The following KIAA0319L variants were observed in gnomAD, a reference collection of about 807,000 sequenced individuals.
The protein encoded by KIAA0319L is dyslexia-associated protein KIAA0319-like protein.
A neutral mutation model predicts 120.1 loss-of-function variants in KIAA0319L; 55 were observed. The observed-to-expected ratio is 0.46, with a 90% CI of 0.37 to 0.57. KIAA0319L has a LOEUF of 0.57. Among genes scored for constraint, KIAA0319L ranks in the 20% least tolerant of loss-of-function variants. KIAA0319L has a pLI of 0.00. For missense variants in KIAA0319L, 1,049 were observed against 1,255.3 expected, an observed-to-expected ratio of 0.84 and a Z score of 2.48; for synonymous variants, 398 against 471.9, an observed-to-expected ratio of 0.84 and a Z score of 2.03.
chr1:35,463,902 T>C (rs1424837082), intron 7 of KIAA0319L, among the ~76,000 whole-genome samples: 1 of 152,142 alleles, frequency 6.6e-6, no homozygotes, highest in Non-Finnish European at 1.5e-5. Flanking sequence ...CTGATGGTGT[T>C]AAAAACAGGA....
Position 35,449,854 on chromosome 1 carries a change from T to G in KIAA0319L, c.2353+13A>C. Reference sequence around the variant, plus strand: ...CAGCAATTCTACTCAGCCTCATCACTAAATGAACTCACCAGGTTTCACCTC... The same window carrying G: ...CAGCAATTCTACTCAGCCTCATCACGAAATGAACTCACCAGGTTTCACCTC... On this transcript the variant is annotated intron_variant, in intron 15 of 20. Transcript: ENST00000325722. 1 of 1,613,836 alleles carries G rather than the reference T, an allele frequency of 6.2e-7. No individual in the cohort carries two copies. The highest frequency in any genetic ancestry group is 2.2e-5 in the East Asian group (1 of 44,884).
At chr1:35,495,049 C>T (rs143365115) in intron 3 of KIAA0319L, among the ~76,000 whole-genome samples, 125 of 152,136 alleles carry the variant, frequency 8.2e-4, no homozygotes, top group African/African-American at 2.9e-3. Flanking sequence ...TACAAAATAA[C>T]CCTAGACCTA....
At chr1:35,548,779 C>T (rs749904052) in intron 2 of KIAA0319L, among the ~76,000 whole-genome samples, 1 of 152,034 alleles carries the variant, frequency 6.6e-6, no homozygotes, top group African/African-American at 2.4e-5. Flanking sequence ...TCTGGAGCTG[C>T]CATACCAGCT....
chr1:35,472,875 G>A (rs1453891150), intron 5 of KIAA0319L, among the ~76,000 whole-genome samples: 2 of 146,752 alleles, frequency 1.4e-5, no homozygotes, highest in African/African-American at 5.1e-5. Flanking sequence ...TGCAACCTCC[G>A]CCTCCTGGGT....
At chr1:35,535,643 T>C (rs934454697) in intron 2 of KIAA0319L, among the ~76,000 whole-genome samples, 22 of 152,226 alleles carry the variant, frequency 1.4e-4, no homozygotes, top group African/African-American at 4.3e-4. Flanking sequence ...GCATATAGTA[T>C]TAAAAAGCTC....
intron 2 of KIAA0319L, among the ~76,000 whole-genome samples, chr1:35,527,093 G>T (rs1415071584): frequency 6.6e-6 from 1 of 152,078 alleles, no homozygotes; most frequent in East Asian, 1.9e-4. Flanking sequence ...AGCATTTGTG[G>T]AAACAAAGGT....
At chr1:35,535,586 A>G (rs1028418319) in intron 2 of KIAA0319L, among the ~76,000 whole-genome samples, 2 of 152,212 alleles carry the variant, frequency 1.3e-5, no homozygotes, top group African/African-American at 4.8e-5. Flanking sequence ...CAGAGTTATT[A>G]AAGATATAAA....
At chr1:35,450,048 C>T in intron 14 of KIAA0319L, 43 bp from the exon 15 acceptor site, 1 of 1,610,052 alleles carries the variant, frequency 6.2e-7, no homozygotes, top group Non-Finnish European at 8.5e-7. Context: ...AACAAAATGC[C>T]ATTCCTTTCC....
Position 35,434,064 on chromosome 1 carries a change from G to A in KIAA0319L, c.*830C>T, listed in dbSNP as rs573109731. On this transcript the variant is annotated 3_prime_UTR_variant, in exon 21 of 21. Transcript: ENST00000325722. ...AAGGGAGTGGGGCTCCAGTGTTAAG[G>A]GGGGGCCAGATATCATTTCTTTTTT... is the stretch of plus-strand genomic sequence containing the variant. The A allele has an allele frequency of 6.6e-6, 1 of 152,142 alleles. No individual in the cohort carries two copies. The highest frequency in any genetic ancestry group is 1.5e-5 in the Non-Finnish European group (1 of 68,338). 9.4% of individuals were successfully genotyped at this position (152,142 alleles called of 1,614,324 possible). A position where few individuals can be genotyped will look rare whatever the true frequency, so the allele number is the denominator to read the frequency against.
At chr1:35,556,493 G>A (rs1648076595) in intron 1 of KIAA0319L, 1 of 152,220 alleles carries the variant, frequency 6.6e-6, no homozygotes, top group African/African-American at 2.4e-5. Context: ...TATATTTGCA[G>A]ACACTGTTTT....
intron 3 of KIAA0319L, among the ~76,000 whole-genome samples, chr1:35,504,440 C>T (rs1012654873): frequency 6.6e-6 from 1 of 152,222 alleles, no homozygotes; most frequent in African/African-American, 2.4e-5. Context: ...TTGTGATCCG[C>T]CCGCCTTGGC....
rs1648272265 is a variant in KIAA0319L at position 35,557,361 on chromosome 1, C to A, written c.-183G>T. The stretch of plus-strand genomic sequence containing the variant: ...TGCGGGCTCCCCACCCGGACAGCTA[C>A]CTCTCGCCTCAGCCTCCCTGGACAG... On this transcript the variant is annotated 5_prime_UTR_variant, in exon 1 of 21. Coordinates refer to ENST00000325722, the MANE Select transcript of KIAA0319L (RefSeq NM_024874.5). The A allele has an allele frequency of 6.8e-6, 2 of 293,982 alleles. No homozygotes were observed. The highest frequency in any genetic ancestry group is 1.3e-5 in the Non-Finnish European group (2 of 149,506). 18.2% of individuals were successfully genotyped at this position (293,982 alleles called of 1,614,324 possible). A position where few individuals can be genotyped will look rare whatever the true frequency, so the allele number is the denominator to read the frequency against.
chr1:35,501,558 C>T (rs2148385969), intron 3 of KIAA0319L, among the ~76,000 whole-genome samples: 1 of 152,212 alleles, frequency 6.6e-6, no homozygotes, highest in Non-Finnish European at 1.5e-5. Flanking sequence ...CCAAGTCCTA[C>T]CTGAACAGTA....
chr1:35,494,112 G>T (rs141966666), intron 3 of KIAA0319L, among the ~76,000 whole-genome samples: 78 of 152,130 alleles, frequency 5.1e-4, no homozygotes, highest in African/African-American at 1.9e-3. Context: ...CCTAAAATGG[G>T]CAATTTTGAT....
At chr1:35,487,918 T>C (rs1395874562) in intron 3 of KIAA0319L, among the ~76,000 whole-genome samples, 1 of 152,354 alleles carries the variant, frequency 6.6e-6, no homozygotes, top group East Asian at 1.9e-4. Flanking sequence ...CCAGGGATTT[T>C]AGCAGAGTTC....
At chr1:35,460,567 CT>C in intron 8 of KIAA0319L, 130 bp from the exon 9 acceptor site, 1 of 763,132 alleles carries the variant, frequency 1.3e-6, no homozygotes, top group Non-Finnish European at 2.1e-6. Flanking sequence ...CAGACTATCT[CT>C]CCAGAATGTT....
intron 3 of KIAA0319L, among the ~76,000 whole-genome samples, chr1:35,484,800 ATATATAT>A (rs1475140464): frequency 0.037 from 622 of 16,864 alleles, 8 homozygotes; most frequent in African/African-American, 0.14. Flanking sequence ...ATATATATAT[ATATATAT>A]TTTTTTTTTT....
At chr1:35,440,308 A>G (rs896698821) in intron 20 of KIAA0319L, 7 of 152,206 alleles carry the variant, frequency 4.6e-5, no homozygotes, top group African/African-American at 1.7e-4. Flanking sequence ...GCCTCTCCCT[A>G]ACACAAAGCT....
chr1:35,463,370 G>C (rs932360800), intron 7 of KIAA0319L, among the ~76,000 whole-genome samples: 35 of 152,214 alleles, frequency 2.3e-4, no homozygotes, highest in Non-Finnish European at 3.5e-4. Flanking sequence ...TTTCAGCCAA[G>C]CCTGACTAGA....
Sources: allele counts gnomAD v4.1 joint callset (sites outside exome capture counted in the v4.1 genomes callset), GRCh38; gene constraint gnomAD v4.1.1; transcripts MANE v1.5; gene names NCBI Gene and HGNC (gene_info 2026-07-23, HGNC 2026-07-21).